EXPH5: variants seen among roughly 807,000 people sequenced by gnomAD.
The protein encoded by EXPH5 is exophilin 5.
EXPH5 carries 42 observed loss-of-function variants against 41.1 expected under a neutral mutation model. That is an observed-to-expected ratio of 1.02 (90% confidence interval 0.80 to 1.32). The LOEUF is 1.32. EXPH5 is among the 40% of genes most tolerant of loss of function. EXPH5 has a pLI of 0.00. For synonymous variants in EXPH5, 798 were observed against 833.5 expected (o/e 0.96, Z 0.73); for missense variants, 2,298 against 2,314.5 (o/e 0.99, Z 0.15).
At chr11:108,516,493 C>T (rs1317855361) in intron 5 of EXPH5, among the ~76,000 whole-genome samples, 1 of 152,132 alleles carries the variant, frequency 6.6e-6, no homozygotes, top group Non-Finnish European at 1.5e-5. Flanking sequence ...CTAAGACCCA[C>T]TCTATAATAG....
intron 5 of EXPH5, among the ~76,000 whole-genome samples, chr11:108,515,575 C>G (rs750526800): frequency 6.7e-6 from 1 of 148,758 alleles, no homozygotes; most frequent in Non-Finnish European, 1.5e-5. Flanking sequence ...GAGTCCTAAA[C>G]GCTTAATATA....
At chr11:108,593,773 G>A (rs1033515476), upstream of EXPH5, 5 of 1,535,054 alleles carry the variant, frequency 3.3e-6, no homozygotes, top group Admixed American at 3.9e-5. Context: ...AAAGTGAACG[G>A]CTAAAGGGAG....
chr11:108,533,668 T>C (rs1430935526), intron 3 of EXPH5, among the ~76,000 whole-genome samples: 1 of 152,176 alleles, frequency 6.6e-6, no homozygotes, highest in African/African-American at 2.4e-5. Context: ...AGTTTCTCAG[T>C]CTCTACACTG....
At chr11:108,528,688 T>G (rs1211541348) in intron 3 of EXPH5, among the ~76,000 whole-genome samples, 1 of 150,468 alleles carries the variant, frequency 6.6e-6, no homozygotes, top group Non-Finnish European at 1.5e-5. Flanking sequence ...TTCTTTTTTT[T>G]CTTTCCCTTT....
At chr11:108,577,844 T>C (rs1273004698) in intron 1 of EXPH5, among the ~76,000 whole-genome samples, 1 of 152,242 alleles carries the variant, frequency 6.6e-6, no homozygotes, top group Non-Finnish European at 1.5e-5. Flanking sequence ...GCATGTATTT[T>C]TTTGAGAAGT....
At chr11:108,518,109 A>G (rs1591676139) in intron 5 of EXPH5, 126 bp downstream of exon 5, 2 of 799,564 alleles carry the variant, frequency 2.5e-6, no homozygotes, top group East Asian at 2.6e-5. Flanking sequence ...CAAATAAGCT[A>G]AACATGAGGA....
In EXPH5 at chr11:108,549,179, G is replaced by A. The variant is rs555262502; in HGVS notation, c.120-7367C>T. Among the ~76,000 whole-genome samples the A allele has an allele frequency of 3.3e-5, 5 of 152,318 alleles. No individual in the cohort carries two copies. The South Asian group carries it at 6.2e-4, about 19-fold the overall frequency. On this transcript the variant is annotated intron_variant, in intron 1 of 5. Coordinates refer to ENST00000265843, the MANE Select transcript of EXPH5 (RefSeq NM_015065.3). ...CAGCTTGACTCAACATATCACAAGG[G>A]ACTGTTGTCTACACTTCTAATTTGT... is the stretch of plus-strand genomic sequence containing the variant.
chr11:108,548,746 G>A (rs552125988), intron 1 of EXPH5, among the ~76,000 whole-genome samples: 1 of 152,254 alleles, frequency 6.6e-6, no homozygotes, highest in South Asian at 2.1e-4. Flanking sequence ...AGTATAGTTT[G>A]TACATTGACA....
rs1375257253 is a variant in EXPH5 at position 108,508,365 on chromosome 11, C to CGTGCGCCTGG, written c.*1162_*1171dup. 6.7e-6 allele frequency: 1 copy of CGTGCGCCTGG among 150,356 alleles called. No individual in the cohort carries two copies. The highest frequency in any genetic ancestry group is 2.5e-5 in the African/African-American group (1 of 40,568). The allele number at this position is 150,356 out of a possible 1,614,324, so 9.3% of individuals were successfully genotyped here. A position where few individuals can be genotyped will look rare whatever the true frequency, so the allele number is the denominator to read the frequency against. On this transcript the variant is annotated 3_prime_UTR_variant, in exon 6 of 6. Transcript: ENST00000265843. ...CAAAAATATTAGCTGGGCGTGGCAGCGTGCGCCTGGGTGCGCCTGTGATCC... is the reference window on the plus strand; with the variant it reads ...CAAAAATATTAGCTGGGCGTGGCAGCGTGCGCCTGGGTGCGCCTGGGTGCGCCTGTGATCC...
chr11:108,561,471 C>G (rs976398304), intron 1 of EXPH5, among the ~76,000 whole-genome samples: 3 of 152,078 alleles, frequency 2.0e-5, no homozygotes, highest in Non-Finnish European at 4.4e-5. Flanking sequence ...GGTGGTAGAT[C>G]TGTCTGAAAG....
chr11:108,543,759 C>A (rs889098827), intron 1 of EXPH5, among the ~76,000 whole-genome samples: 2 of 152,158 alleles, frequency 1.3e-5, no homozygotes, highest in Non-Finnish European at 2.9e-5. Context: ...GGTCACCCTG[C>A]CCAGACTTGC....
At chr11:108,560,500 C>G (rs570342241) in intron 1 of EXPH5, among the ~76,000 whole-genome samples, 1 of 152,242 alleles carries the variant, frequency 6.6e-6, no homozygotes, top group Admixed American at 6.5e-5. Flanking sequence ...CAGAATCACA[C>G]GCCAAAGGGC....
chr11:108,592,271 G>C (rs999036475), intron 1 of EXPH5, among the ~76,000 whole-genome samples: 8 of 152,264 alleles, frequency 5.3e-5, no homozygotes, highest in Non-Finnish European at 1.2e-4. Flanking sequence ...TCATGTTTAG[G>C]GGAGAAGGGT....
chr11:108,525,209 C>G (rs1181995788), intron 4 of EXPH5, among the ~76,000 whole-genome samples: 1 of 152,140 alleles, frequency 6.6e-6, no homozygotes, highest in Non-Finnish European at 1.5e-5. Flanking sequence ...TTTAAATTAC[C>G]CAGTCTTGGG....
Position 108,513,680 on chromosome 11 carries a change from A to T in EXPH5, c.1827T>A (p.His609Gln). Reference sequence around the variant, plus strand: ...CAAATGAGGAAGCTTCTTTGTTTATATGTACTTCTACAGGAGAACTGTCCT... The same window carrying T: ...CAAATGAGGAAGCTTCTTTGTTTATTTGTACTTCTACAGGAGAACTGTCCT... ...SQQDSSPVEV[H>Q]INKEASSFGI... is the part of the protein sequence containing the mutation. The change falls in exon 6 of 6, where the codon CAT (histidine) becomes CAA (glutamine). Residue 609 changes from histidine to glutamine, a missense_variant. His to Gln is a conservative substitution (Grantham distance 24). Coordinates refer to ENST00000265843, the MANE Select transcript of EXPH5 (RefSeq NM_015065.3). 6.2e-7 allele frequency: 1 copy of T among 1,612,424 alleles called. No individual in the cohort carries two copies. Among genetic ancestry groups the T allele is most frequent in the Non-Finnish European group, 8.5e-7 (1 of 1,179,432 alleles).
intron 4 of EXPH5, among the ~76,000 whole-genome samples, chr11:108,524,030 C>G (rs2093781819): frequency 6.6e-6 from 1 of 152,022 alleles, no homozygotes; most frequent in Non-Finnish European, 1.5e-5. Context: ...AATCCTGGCT[C>G]TGCCCATTAA....
At chr11:108,549,538 C>A (rs1394080953) in intron 1 of EXPH5, among the ~76,000 whole-genome samples, 1 of 152,210 alleles carries the variant, frequency 6.6e-6, no homozygotes, top group African/African-American at 2.4e-5. Flanking sequence ...TTGTGCCCAT[C>A]TTTTCTCCAG....
At chr11:108,527,162 A>G (rs1484028696) in intron 4 of EXPH5, among the ~76,000 whole-genome samples, 3 of 152,120 alleles carry the variant, frequency 2.0e-5, no homozygotes, top group Non-Finnish European at 4.4e-5. Context: ...TCTACTAAAA[A>G]TATAAAAATT....
At chr11:108,593,372 C>G in intron 1 of EXPH5, 46 bp downstream of exon 1, 1 of 1,561,916 alleles carries the variant, frequency 6.4e-7, no homozygotes, top group Non-Finnish European at 8.8e-7. Context: ...TCCCCGGCCC[C>G]TGCGGGACCC....
Sources: allele counts gnomAD v4.1 joint callset (sites outside exome capture counted in the v4.1 genomes callset), GRCh38; gene constraint gnomAD v4.1.1; transcripts MANE v1.5; gene names NCBI Gene and HGNC (gene_info 2026-07-23, HGNC 2026-07-21).